ZNF606: variants seen among roughly 807,000 people sequenced by gnomAD.
ZNF606 encodes zinc finger protein 328.
In ZNF606, 37 loss-of-function variants were observed where a neutral mutation model predicts 74.9. The observed-to-expected ratio is 0.49, with a 90% CI of 0.38 to 0.65. ZNF606 has a LOEUF of 0.65. ZNF606 is among the 30% of genes least tolerant of loss of function. The pLI, the probability that ZNF606 is intolerant of heterozygous loss-of-function variation, is 0.00. For missense variants in ZNF606, 852 were observed against 952.9 expected (o/e 0.89, Z 1.39); for synonymous variants, 328 against 312.4 (o/e 1.05, Z -0.53).
chr19:57,995,248 G>C (rs961298116), intron 4 of ZNF606, among the ~76,000 whole-genome samples: 2 of 151,320 alleles, frequency 1.3e-5, no homozygotes, highest in African/African-American at 4.9e-5. Flanking sequence ...CTGCTTCTAG[G>C]GGTATGCCTA....
chr19:57,998,197 C>G (rs1432366469), intron 4 of ZNF606: 1 of 151,946 alleles, frequency 6.6e-6, no homozygotes, highest in Admixed American at 6.6e-5. Context: ...AGGGAGTTAA[C>G]AGAGTAAATA....
Position 57,978,380 on chromosome 19 carries a change from C to T in ZNF606, c.2300G>A (p.Ser767Asn). ...MHSGEKRFIC[S>N]ECGKAFSGHS... ...ACCACTAAAGGCTTTTCCACATTCA[C>T]TGCATATAAAGCGTTTCTCTCCACT... The change falls in exon 7 of 7, where the codon AGT becomes AAT. Residue 767 changes from serine (S) to asparagine (N), a missense_variant. This residue lies in a region of ZNF606 where 64 missense variants were observed against 51.1 expected (regional missense o/e 1.25). Transcript: ENST00000551380. The surrounding 1 kb of genome is among the most constrained non-coding windows in gnomAD (Gnocchi z 4.4). 3.1e-6 allele frequency: 5 copies of T among 1,611,242 alleles called. No homozygotes were observed. The highest frequency in any genetic ancestry group is 4.2e-6 in the Non-Finnish European group (5 of 1,177,622).
At chr19:57,988,475 A>C (rs990568576) in intron 5 of ZNF606, 120 bp downstream of exon 5, 1 of 1,482,264 alleles carries the variant, frequency 6.7e-7, no homozygotes, top group Admixed American at 2.1e-5. Flanking sequence ...CTCAGGGCCC[A>C]AGATCATCTC....
intron 4 of ZNF606, among the ~76,000 whole-genome samples, chr19:57,996,849 T>C (rs2073348338): frequency 6.6e-6 from 1 of 152,226 alleles, no homozygotes; most frequent in Admixed American, 6.5e-5. Flanking sequence ...CTCATAAACA[T>C]TCTTGCACAC....
chr19:57,980,912 C>T (rs547806876), intron 6 of ZNF606, among the ~76,000 whole-genome samples: 5 of 151,886 alleles, frequency 3.3e-5, no homozygotes, highest in African/African-American at 1.2e-4. Context: ...CAAAGGTAGC[C>T]TGTTTCCTAA....
At position 57,979,853 on chromosome 19, in the gene ZNF606, G is replaced by C. The variant is rs781699340; in HGVS notation, c.827C>G (p.Pro276Arg). 1.1e-5 allele frequency: 18 copies of C among 1,613,490 alleles called. No homozygotes were observed. Among genetic ancestry groups the C allele is most frequent in the Admixed American group, 5.0e-5 (3 of 59,998 alleles). Residue 276 changes from proline to arginine, a missense_variant, in exon 7 of 7, where the codon CCT becomes CGT. Coordinates refer to ENST00000551380, the MANE Select transcript of ZNF606 (RefSeq NM_001348022.3). ...AGTTTGTATTCTTGCAGGGTAAATA[G>C]GTTGAATGGACTGATAAACAGTTTT... ...YDKTVYQSIQPIYPARIQTGD... is the reference protein window; with the variant it reads ...YDKTVYQSIQRIYPARIQTGD...
Position 58,001,352 on chromosome 19 carries a change from G to T in ZNF606, c.-33C>A. 6.2e-7 allele frequency: 1 copy of T among 1,613,986 alleles called. No individual in the cohort carries two copies. The highest frequency in any genetic ancestry group is 8.5e-7 in the Non-Finnish European group (1 of 1,179,990). On this transcript the variant is annotated 5_prime_UTR_variant, in exon 2 of 7. Coordinates refer to ENST00000551380, the MANE Select transcript of ZNF606 (RefSeq NM_001348022.3). Reference sequence around the variant, plus strand: ...ACTGATTGACCAGGCACCTGCCCAGGAACACAGCAAATCCCAACCTAGTGA... The same window carrying T: ...ACTGATTGACCAGGCACCTGCCCAGTAACACAGCAAATCCCAACCTAGTGA...
At chr19:57,999,741 G>GC (rs1280603154) in intron 4 of ZNF606, 67 bp downstream of exon 4, 8 of 1,478,590 alleles carry the variant, frequency 5.4e-6, no homozygotes, top group African/African-American at 1.4e-5. Context: ...CTGGAGAGCC[G>GC]CATCAACTGG....
At chr19:57,980,768 G>A (rs1300990653) in intron 6 of ZNF606, among the ~76,000 whole-genome samples, 1 of 147,694 alleles carries the variant, frequency 6.8e-6, no homozygotes, top group Non-Finnish European at 1.5e-5. Context: ...CCGGGAGGCA[G>A]AGCTTGCAGT....
Position 58,000,695 on chromosome 19 carries a change from A to G in ZNF606, c.76T>C (p.Trp26Arg), listed in dbSNP as rs1600230051. The G allele has an allele frequency of 5.6e-6, 9 of 1,613,144 alleles. 1 individual carries two copies. In the South Asian group the frequency reaches 9.9e-5, roughly 18 times the overall value. ...QSWGMTAVDP[W>R]ASWALCPQYP... is the part of the protein sequence containing the mutation. ...GCTCTTGACTCACCCCAGGAGGCCC[A>G]TGGGTCAACAGCTGTCATCCCCCAA... is the stretch of plus-strand genomic sequence containing the variant. The change falls in exon 3 of 7, where the codon TGG becomes CGG. Residue 26 changes from tryptophan (W) to arginine (R), a missense_variant. Transcript: ENST00000551380.
rs1012940464 is a variant in ZNF606 at position 58,002,625 on chromosome 19, G to A, written c.-281C>T. The A allele has an allele frequency of 6.6e-6, 3 of 452,068 alleles. No individual in the cohort carries two copies. The highest frequency in any genetic ancestry group is 1.3e-5 in the Non-Finnish European group (3 of 224,936). The allele number at this position is 452,068 out of a possible 1,614,324, so 28.0% of individuals were successfully genotyped here. On this transcript the variant is annotated 5_prime_UTR_variant, in exon 1 of 7. Transcript: ENST00000551380. ...CCCGGAGGCGGGAGGCCGGAGGCAGGCTGCTGGCTGGAGAACCGACGGCAA... is the reference window on the plus strand; with the variant it reads ...CCCGGAGGCGGGAGGCCGGAGGCAGACTGCTGGCTGGAGAACCGACGGCAA...
At chr19:57,992,066 C>T (rs1454217415) in intron 4 of ZNF606, among the ~76,000 whole-genome samples, 1 of 152,146 alleles carries the variant, frequency 6.6e-6, no homozygotes, top group Non-Finnish European at 1.5e-5. Flanking sequence ...TCACTTCCCA[C>T]CCCTCCCAAG....
At position 57,979,272 on chromosome 19, in the gene ZNF606, G is replaced by A. The variant is rs928376303; in HGVS notation, c.1408C>T (p.His470Tyr). ...KCGKAFSWNS[H>Y]LIVHKRIHTG... Reference sequence around the variant, plus strand: ...TGAATTCTCTTATGTACAATAAGATGAGAATTCCAGCTGAAGGCTTTTCCA... The same window carrying A: ...TGAATTCTCTTATGTACAATAAGATAAGAATTCCAGCTGAAGGCTTTTCCA... The change falls in exon 7 of 7, where the codon CAT becomes TAT. Residue 470 changes from histidine (H) to tyrosine (Y), a missense_variant. By Grantham distance (83) the His-to-Tyr change is moderately conservative. Around this residue, in one of 3 missense-constraint regions of ZNF606, gnomAD observed 243 missense variants for 359.2 expected, o/e 0.68. Coordinates refer to ENST00000551380, the MANE Select transcript of ZNF606 (RefSeq NM_001348022.3). 2 of 1,614,006 alleles carry A rather than the reference G, an allele frequency of 1.2e-6. No homozygotes were observed. The highest frequency in any genetic ancestry group is 1.7e-6 in the Non-Finnish European group (2 of 1,180,018).
intron 4 of ZNF606, chr19:57,999,132 C>G (rs1298198420): frequency 6.5e-6 from 1 of 152,716 alleles, no homozygotes; most frequent in Non-Finnish European, 1.5e-5. Flanking sequence ...CCCCTGACCC[C>G]TGTGGTGCTG....
At chr19:57,998,443 A>G (rs2073369466) in intron 4 of ZNF606, 1 of 152,240 alleles carries the variant, frequency 6.6e-6, no homozygotes, top group Admixed American at 6.5e-5. Flanking sequence ...CATTATGCTA[A>G]GTGAAAAAAG....
intron 3 of ZNF606, chr19:58,000,183 C>T (rs531383134): frequency 1.0e-4 from 52 of 497,566 alleles, no homozygotes; most frequent in African/African-American, 8.7e-4. Context: ...CATGAATTCT[C>T]ATGCATCTTG....
intron 6 of ZNF606, among the ~76,000 whole-genome samples, chr19:57,983,627 G>A (rs1386619332): frequency 6.6e-6 from 1 of 152,012 alleles, no homozygotes; most frequent in African/African-American, 2.4e-5. Flanking sequence ...AGATGGTGGG[G>A]TTATAGAACA....
At chr19:57,981,157 C>A (rs926651781) in intron 6 of ZNF606, among the ~76,000 whole-genome samples, 7 of 152,198 alleles carry the variant, frequency 4.6e-5, no homozygotes, top group Admixed American at 2.0e-4. Flanking sequence ...AATAAACACA[C>A]TGGACTCCTA....
At chr19:58,000,090 GC>G (rs35480498) in intron 3 of ZNF606, 194 bp from the exon 4 acceptor site, 393,490 of 571,494 alleles carry the variant, frequency 0.69, 136,642 homozygotes, top group South Asian at 0.74. Context: ...TCTCTCATTG[GC>G]CCCCCCTGTG....
Sources: gnomAD v4.1 joint callset for allele counts (sites outside exome capture counted in the v4.1 genomes callset) on GRCh38, gnomAD v4.1.1 for gene constraint, gnomAD v4.1.1 regional missense constraint, Gnocchi (gnomAD v3.1) non-coding constraint, MANE v1.5 for transcripts, NCBI Gene and HGNC (gene_info 2026-07-23, HGNC 2026-07-21) for gene names.